DIDO1: variants seen among roughly 807,000 people sequenced by gnomAD.
DIDO1 encodes the protein death inducer-obliterator 1.
A neutral mutation model predicts 99.4 loss-of-function variants in DIDO1; 16 were observed. The observed-to-expected ratio is 0.16, with a 90% CI of 0.11 to 0.24. DIDO1 has a LOEUF of 0.24. Among genes scored for constraint, DIDO1 ranks in the 10% least tolerant of loss-of-function variants. The pLI is 1.00. For synonymous variants in DIDO1, 1,366 were observed against 1,239.1 expected, an observed-to-expected ratio of 1.10 and a Z score of -2.15; for missense variants, 2,996 against 3,014.0, an observed-to-expected ratio of 0.99 and a Z score of 0.14.
chr20:62,933,318 A>C (rs573073576), intron 1 of DIDO1, among the ~76,000 whole-genome samples: 1 of 152,364 alleles, frequency 6.6e-6, no homozygotes, highest in Non-Finnish European at 1.5e-5. Flanking sequence ...TGAAAAGTGA[A>C]GTTCATGAAA....
chr20:62,907,752 C>T (rs1349214650), intron 4 of DIDO1, among the ~76,000 whole-genome samples: 1 of 152,186 alleles, frequency 6.6e-6, no homozygotes, highest in Admixed American at 6.5e-5. Context: ...TCAAATGGGT[C>T]CGGCTAAATC....
intron 6 of DIDO1, among the ~76,000 whole-genome samples, chr20:62,901,913 C>G (rs967327098): frequency 2.0e-5 from 3 of 151,860 alleles, no homozygotes; most frequent in African/African-American, 7.3e-5. Flanking sequence ...CAGGCGTCTT[C>G]AGAGCTGACC....
rs1424976343 is a variant in DIDO1, at chr20:62,881,779, G to A, written c.4177C>T (p.Pro1393Ser). Residue 1393 changes from proline to serine, a missense_variant, in exon 16 of 16, where the codon CCG (proline) becomes TCG (serine). Pro to Ser is a moderately conservative substitution (Grantham distance 74). Transcript: ENST00000395343. This position sits in a 1 kb window ranked among gnomAD's most constrained non-coding sequence, Gnocchi z 8.3. Reference protein sequence around the residue: ...RPYDPEEEYDPERAFDTQLVE... With the variant: ...RPYDPEEEYDSERAFDTQLVE... ...AGCTGAGTGTCGAAGGCCCTCTCCG[G>A]GTCGTACTCCTCCTCAGGGTCGTAT... is the stretch of plus-strand genomic sequence containing the variant. 17 of 1,613,346 alleles carry A rather than the reference G, an allele frequency of 1.1e-5. No homozygotes were observed. Among genetic ancestry groups the A allele is most frequent in the Non-Finnish European group, 1.4e-5 (16 of 1,180,012 alleles).
chr20:62,880,962 C>T lies in DIDO1; in HGVS notation c.4994G>A (p.Cys1665Tyr). The T allele has an allele frequency of 1.9e-6, 3 of 1,607,038 alleles. No individual in the cohort carries two copies. Among genetic ancestry groups the T allele is most frequent in the Non-Finnish European group, 2.5e-6 (3 of 1,179,550 alleles). Residue 1665 changes from cysteine to tyrosine, a missense_variant, in exon 16 of 16, where the codon TGC becomes TAC. This residue lies in a region of DIDO1 where 1,562 missense variants were observed against 1,412.6 expected (regional missense o/e 1.11). Transcript: ENST00000395343. ...CGGGAAGCCGGGCTGCAGGGCGCCG[C>T]AAGGCGGTGTGGGCAGCAGCACCCT... ...ARRVLLPTPPCGALQPGFPLQ... is the reference protein window; with the variant it reads ...ARRVLLPTPPYGALQPGFPLQ...
In DIDO1 at chr20:62,881,733, T is replaced by A. The variant is rs1232598675; in HGVS notation, c.4223A>T (p.His1408Leu). The change falls in exon 16 of 16, where the codon CAC becomes CTC. Residue 1408 changes from histidine to leucine, a missense_variant. By Grantham distance (99) the His-to-Leu change is moderately conservative. Coordinates refer to ENST00000395343, the MANE Select transcript of DIDO1 (RefSeq NM_001193369.2). The surrounding 1 kb of genome is among the most constrained non-coding windows in gnomAD (Gnocchi z 8.3). ...DTQLVERGRR[H>L]EVERAPEAAA... ...TGCTTCAGGAGCCCTTTCCACCTCG[T>A]GGCGCCGCCCTCGCTCCACAAGCTG... The A allele has an allele frequency of 8.1e-6, 13 of 1,613,008 alleles. No individual in the cohort carries two copies. Among genetic ancestry groups the A allele is most frequent in the Non-Finnish European group, 1.1e-5 (13 of 1,180,012 alleles).
intron 6 of DIDO1, 56 bp from the exon 7 acceptor site, chr20:62,897,052 C>G (rs780411026): frequency 4.0e-6 from 6 of 1,505,250 alleles, no homozygotes; most frequent in Admixed American, 2.3e-5. Context: ...GTGCTGTCAC[C>G]TGACTCTAAA....
upstream of DIDO1, among the ~76,000 whole-genome samples, chr20:62,927,116 G>C (rs1468524707): frequency 1.3e-5 from 2 of 152,150 alleles, no homozygotes; most frequent in East Asian, 1.9e-4. Flanking sequence ...GTGGGGGTGG[G>C]GGGGAGAGAA....
At chr20:62,918,192 C>T (rs1028879028) in intron 1 of DIDO1, among the ~76,000 whole-genome samples, 4 of 152,230 alleles carry the variant, frequency 2.6e-5, no homozygotes, top group Non-Finnish European at 4.4e-5. Flanking sequence ...AGCTCTGTTA[C>T]TTTAAAAAGC....
chr20:62,909,669 G>C (rs1472756306), intron 4 of DIDO1, 30 bp downstream of exon 4: 1 of 1,606,584 alleles, frequency 6.2e-7, no homozygotes, highest in African/African-American at 1.3e-5. Context: ...GCCGACTGCT[G>C]AATGCTCGTC....
At position 62,893,732 on chromosome 20, in the gene DIDO1, A is replaced by G. The variant is rs2064450260; in HGVS notation, c.3035T>C (p.Ile1012Thr). Reference protein sequence around the residue: ...VLTSVMVPKSILAKPSSSPDP... With the variant: ...VLTSVMVPKSTLAKPSSSPDP... ...AGGAGATGAGGATGGCTTAGCTAGT[A>G]TGGACTTGGGCACCATCACAGAAGT... Residue 1012 changes from isoleucine (I) to threonine (T), a missense_variant, in exon 12 of 16, where the codon ATA becomes ACA. By Grantham distance (89) the Ile-to-Thr change is moderately conservative (BLOSUM62 -1). Transcript: ENST00000395343. 1 of 1,614,156 alleles carries G rather than the reference A, an allele frequency of 6.2e-7. No individual in the cohort carries two copies. The highest frequency in any genetic ancestry group is 1.3e-5 in the African/African-American group (1 of 75,072).
chr20:62,917,130 C>T (rs767238323), intron 1 of DIDO1, among the ~76,000 whole-genome samples: 4 of 152,156 alleles, frequency 2.6e-5, no homozygotes, highest in African/African-American at 4.8e-5. Context: ...AGGCTCAAAG[C>T]GGTCTTCCCA....
intron 1 of DIDO1, among the ~76,000 whole-genome samples, chr20:62,918,317 T>A (rs540680325): frequency 2.6e-5 from 4 of 152,362 alleles, no homozygotes; most frequent in South Asian, 4.1e-4. Flanking sequence ...CACTTCCAGG[T>A]TGTGGTACAG....
At chr20:62,883,997 C>T (rs6011445) in intron 15 of DIDO1, among the ~76,000 whole-genome samples, 64,528 of 151,980 alleles carry the variant, frequency 0.42, 15,538 homozygotes, top group African/African-American at 0.67. Context: ...CAGAGTGAGA[C>T]TCTCTTGGAA....
Position 62,906,060 on chromosome 20 carries a change from G to T in DIDO1, c.1415C>A (p.Pro472Gln). ...CTTCACTGTGGTCTCTTTTTTTTCTGGAGCTGGTCTCTTGTGCACAGAAGA... is the reference window on the plus strand; with the variant it reads ...CTTCACTGTGGTCTCTTTTTTTTCTTGAGCTGGTCTCTTGTGCACAGAAGA... ...KISSVHKRPA[P>Q]EKKETTVKKA... The change falls in exon 6 of 16, where the codon CCA becomes CAA. Residue 472 changes from proline to glutamine, a missense_variant. Pro to Gln is a moderately conservative substitution (Grantham distance 76). This residue lies in a region of DIDO1 where 898 missense variants were observed against 972.7 expected (regional missense o/e 0.92). Coordinates refer to ENST00000395343, the MANE Select transcript of DIDO1 (RefSeq NM_001193369.2). 6.2e-7 allele frequency: 1 copy of T among 1,613,386 alleles called. No individual in the cohort carries two copies. The highest frequency in any genetic ancestry group is 8.5e-7 in the Non-Finnish European group (1 of 1,179,954).
intron 1 of DIDO1, among the ~76,000 whole-genome samples, chr20:62,918,410 C>A (rs1353301826): frequency 2.6e-5 from 4 of 152,246 alleles, no homozygotes; most frequent in Non-Finnish European, 5.9e-5. Flanking sequence ...TGGGACACCA[C>A]TGGCGTGAGC....
In DIDO1 at chr20:62,911,635, C is replaced by T; in HGVS notation, c.-2-21G>A. ...CATACCTAGCGGTAAAGTGTAAGCA[C>T]ATAGTGACCAACTGACCACAGAACA... On this transcript the variant is annotated intron_variant, in intron 2 of 15. Transcript: ENST00000395343. The surrounding 1 kb of genome is among the most constrained non-coding windows in gnomAD (Gnocchi z 7.0). 1.3e-6 allele frequency: 2 copies of T among 1,520,984 alleles called. No individual in the cohort carries two copies. Among genetic ancestry groups the T allele is most frequent in the South Asian group, 2.6e-5 (2 of 75,980 alleles). The allele number at this position is 1,520,984 out of a possible 1,614,324, so 94.2% of individuals were successfully genotyped here.
At chr20:62,929,458 G>A (rs1487398133), upstream of DIDO1, among the ~76,000 whole-genome samples, 2 of 152,100 alleles carry the variant, frequency 1.3e-5, no homozygotes, top group Admixed American at 6.5e-5. Context: ...GAGGCCTGCA[G>A]GGATGCACCG....
chr20:62,924,669 C>G (rs756742717), intron 1 of DIDO1, among the ~76,000 whole-genome samples: 1 of 152,214 alleles, frequency 6.6e-6, no homozygotes, highest in Non-Finnish European at 1.5e-5. Flanking sequence ...CAAGGCCCAA[C>G]CGATGATCCG....
intron 15 of DIDO1, among the ~76,000 whole-genome samples, chr20:62,883,843 CAAAAA>C (rs1340221204): frequency 1.3e-5 from 2 of 149,770 alleles, no homozygotes; most frequent in Non-Finnish European, 3.0e-5. Flanking sequence ...CAAAACAAAA[CAAAAA>C]ACAAAAATTA....
Sources: gnomAD v4.1 joint callset for allele counts (sites outside exome capture counted in the v4.1 genomes callset) on GRCh38, gnomAD v4.1.1 for gene constraint, gnomAD v4.1.1 regional missense constraint, Gnocchi (gnomAD v3.1) non-coding constraint, MANE v1.5 for transcripts, NCBI Gene and HGNC (gene_info 2026-07-23, HGNC 2026-07-21) for gene names.